Variants in SOX6 observed in about 807,000 individuals in gnomAD.
SOX6 encodes the protein SRY-box transcription factor 6.
In SOX6, 11 loss-of-function variants were observed where a neutral mutation model predicts 97.8. The observed-to-expected ratio is 0.11, with a 90% CI of 0.07 to 0.19. The LOEUF (loss-of-function observed/expected upper bound fraction) is 0.19. Among genes scored for constraint, SOX6 ranks in the 10% least tolerant of loss-of-function variants. The probability of loss-of-function intolerance (pLI) is 1.00; values close to 1 mark genes in which losing one functional copy is unlikely to be tolerated. For synonymous variants in SOX6, 360 were observed against 371.4 expected, an observed-to-expected ratio of 0.97 and a Z score of 0.35; for missense variants, 810 against 1,039.5, an observed-to-expected ratio of 0.78 and a Z score of 3.04.
At chr11:16,572,112 G>A (rs1328113014) in intron 4 of SOX6, among the ~76,000 whole-genome samples, 1 of 151,666 alleles carries the variant, frequency 6.6e-6, no homozygotes, top group African/African-American at 2.4e-5. Context: ...GTATTATATT[G>A]TTTAAAATAA....
At chr11:16,508,523 T>C (rs1488802938) in intron 4 of SOX6, among the ~76,000 whole-genome samples, 3 of 152,102 alleles carry the variant, frequency 2.0e-5, no homozygotes, top group African/African-American at 7.2e-5. Context: ...AATCATGTCA[T>C]TTTCTGCAAC....
At chr11:16,153,010 G>A (rs1390669216) in intron 6 of SOX6, among the ~76,000 whole-genome samples, 1 of 152,100 alleles carries the variant, frequency 6.6e-6, no homozygotes, top group Non-Finnish European at 1.5e-5. Context: ...GGGACTATAG[G>A]TGTGTGCCAT....
intron 6 of SOX6, among the ~76,000 whole-genome samples, chr11:16,155,509 A>T (rs1850574656): frequency 6.6e-6 from 1 of 152,134 alleles, no homozygotes; most frequent in Non-Finnish European, 1.5e-5. Context: ...TAGGCTACTT[A>T]TTGTGATGCC....
intron 2 of SOX6, among the ~76,000 whole-genome samples, chr11:16,329,814 G>C (rs1055483574): frequency 6.6e-6 from 1 of 152,132 alleles, no homozygotes; most frequent in Non-Finnish European, 1.5e-5. Flanking sequence ...GGATTTAGCA[G>C]CTCCCAAAGT....
At chr11:16,435,122 A>C (rs1424746734) in intron 1 of SOX6, among the ~76,000 whole-genome samples, 1 of 152,196 alleles carries the variant, frequency 6.6e-6, no homozygotes, top group Non-Finnish European at 1.5e-5. Context: ...TTGCAATAGC[A>C]AAGAAAATAA....
At chr11:16,084,302 T>G (rs60752888) in intron 9 of SOX6, among the ~76,000 whole-genome samples, 1 of 152,256 alleles carries the variant, frequency 6.6e-6, no homozygotes, top group African/African-American at 2.4e-5. Context: ...TCATTTAATT[T>G]ATTTCTTCCT....
intron 11 of SOX6, among the ~76,000 whole-genome samples, chr11:16,046,970 C>T (rs1045321728): frequency 5.3e-5 from 8 of 152,144 alleles, no homozygotes; most frequent in African/African-American, 1.9e-4. Flanking sequence ...AGTTCCTAGA[C>T]TCCAATTGTA....
At chr11:16,498,833 A>G (rs530485432) in intron 4 of SOX6, among the ~76,000 whole-genome samples, 9 of 152,220 alleles carry the variant, frequency 5.9e-5, no homozygotes, top group East Asian at 1.9e-4. Flanking sequence ...CCTACAAAGA[A>G]ACTTAGACTC....
At chr11:16,030,025 A>T (rs1855323306) in intron 12 of SOX6, among the ~76,000 whole-genome samples, 2 of 152,158 alleles carry the variant, frequency 1.3e-5, no homozygotes, top group Admixed American at 1.3e-4. Flanking sequence ...GTGATGACCA[A>T]AGGAGTAGAA....
intron 4 of SOX6, among the ~76,000 whole-genome samples, chr11:16,596,598 G>A (rs1310143388): frequency 6.6e-6 from 1 of 152,110 alleles, no homozygotes; most frequent in Non-Finnish European, 1.5e-5. Context: ...CCTGACATAG[G>A]TACTTCTGCT....
chr11:16,188,210 C>T (rs946321853), intron 4 of SOX6, among the ~76,000 whole-genome samples: 1 of 126,974 alleles, frequency 7.9e-6, no homozygotes, highest in Non-Finnish European at 1.6e-5. Context: ...TCGTGGGATT[C>T]TTAATGTCAA....
intron 1 of SOX6, among the ~76,000 whole-genome samples, chr11:16,431,365 C>T (rs1274207731): frequency 6.6e-6 from 1 of 152,064 alleles, no homozygotes; most frequent in South Asian, 2.1e-4. Flanking sequence ...AAACAGTACC[C>T]AGCACATAGT....
intron 3 of SOX6, among the ~76,000 whole-genome samples, chr11:16,676,623 T>G (rs1564866356): frequency 6.6e-6 from 1 of 152,222 alleles, no homozygotes; most frequent in African/African-American, 2.4e-5. Context: ...AAAGTCTGTA[T>G]TCTTCGTCAC....
chr11:16,703,714 A>G (rs1848111017), intron 3 of SOX6, among the ~76,000 whole-genome samples: 1 of 152,158 alleles, frequency 6.6e-6, no homozygotes, highest in African/African-American at 2.4e-5. Flanking sequence ...CAATGTGCTT[A>G]AACCTGATGG....
chr11:16,126,047 C>T (rs1378801868), intron 6 of SOX6, among the ~76,000 whole-genome samples: 1 of 152,118 alleles, frequency 6.6e-6, no homozygotes, highest in African/African-American at 2.4e-5. Context: ...AACATTAGGT[C>T]TGTTCCTTTC....
At chr11:15,989,482 G>A (rs893341976) in intron 13 of SOX6, among the ~76,000 whole-genome samples, 23 of 152,046 alleles carry the variant, frequency 1.5e-4, no homozygotes, top group African/African-American at 5.6e-4. Flanking sequence ...ATAAATGGTA[G>A]GTGATCACAG....
intron 3 of SOX6, among the ~76,000 whole-genome samples, chr11:16,294,628 G>T (rs1293034489): frequency 2.0e-5 from 3 of 152,026 alleles, no homozygotes; most frequent in Non-Finnish European, 4.4e-5. Flanking sequence ...TTTTAATGCT[G>T]TTATAATGGC....
chr11:15,985,586 A>G (rs1195522922), intron 15 of SOX6, among the ~76,000 whole-genome samples: 2 of 152,232 alleles, frequency 1.3e-5, no homozygotes, highest in African/African-American at 2.4e-5. Flanking sequence ...AATTTATACC[A>G]GAAATCTATT....
Position 16,659,672 on chromosome 11 carries a change from C to T in SOX6, n.430-47412G>A, listed in dbSNP as rs527299339. ...CATAAGTTAGGAAGTGTTCCTTTTG[C>T]TTCTATTTTCTGGAAGAGATTGTTG... On this transcript the variant is annotated intron_variant and non_coding_transcript_variant, in intron 3 of 5. Coordinates refer to the SOX6 transcript ENST00000524520. Among the ~76,000 whole-genome samples the T allele has an allele frequency of 8.5e-5, 13 of 152,272 alleles. No homozygotes were observed. In the South Asian group the frequency reaches 2.7e-3, roughly 32 times the overall value.
Sources: allele counts gnomAD v4.1 joint callset (sites outside exome capture counted in the v4.1 genomes callset), GRCh38; gene constraint gnomAD v4.1.1; transcripts MANE v1.5; gene names NCBI Gene and HGNC (gene_info 2026-07-23, HGNC 2026-07-21).